Variants in CACNA2D1 observed in about 807,000 individuals in gnomAD.
CACNA2D1 encodes the protein calcium voltage-gated channel auxiliary subunit alpha2delta 1, also known as voltage-dependent calcium channel subunit alpha-2/delta-1.
In CACNA2D1, 53 loss-of-function variants were observed where a neutral mutation model predicts 171.5. The observed-to-expected ratio is 0.31, with a 90% CI of 0.25 to 0.39. CACNA2D1 has a LOEUF of 0.39. Ranked by LOEUF, CACNA2D1 falls within the 10% of genes least tolerant of loss-of-function variation. The pLI is 1.00. For missense variants in CACNA2D1, 903 were observed against 1,299.8 expected (o/e 0.69, Z 4.69); for synonymous variants, 442 against 443.1 (o/e 1.00, Z 0.03).
chr7:82,179,955 T>C (rs989031001), intron 3 of CACNA2D1, among the ~76,000 whole-genome samples: 1 of 151,984 alleles, frequency 6.6e-6, no homozygotes, highest in Non-Finnish European at 1.5e-5. Flanking sequence ...ATTATTTCCA[T>C]AATAAAGTTA....
chr7:81,970,657 G>A lies in CACNA2D1; in HGVS notation c.2204+18C>T. On this transcript the variant is annotated intron_variant, in intron 27 of 38. Coordinates refer to ENST00000356860, the MANE Select transcript of CACNA2D1 (RefSeq NM_000722.4). Reference sequence around the variant, plus strand: ...CTTTTGTAATGTACTTGTTTTTACAGATGTTATTTGAACTTACTCTTTGGG... The same window carrying A: ...CTTTTGTAATGTACTTGTTTTTACAAATGTTATTTGAACTTACTCTTTGGG... The A allele has an allele frequency of 7.1e-7, 1 of 1,401,272 alleles. No individual in the cohort carries two copies. The highest frequency in any genetic ancestry group is 1.0e-6 in the Non-Finnish European group (1 of 986,486). The allele number at this position is 1,401,272 out of a possible 1,614,324, so 86.8% of individuals were successfully genotyped here.
In CACNA2D1 at chr7:82,349,079, G is replaced by A. The variant is rs148390037; in HGVS notation, c.177+489C>T. Among the ~76,000 whole-genome samples, 756 of 152,110 alleles carry A rather than the reference G, an allele frequency of 5.0e-3. 3 individuals carry two copies. Among genetic ancestry groups the A allele is most frequent in the African/African-American group, 0.017 (707 of 41,498 alleles). On this transcript the variant is annotated intron_variant, in intron 2 of 38. Coordinates refer to ENST00000356860, the MANE Select transcript of CACNA2D1 (RefSeq NM_000722.4). ...AGTCTCCTTATCTTGCACCAGAACCGTTATTACTGATCTCAGTGACTATCT... is the reference window on the plus strand; with the variant it reads ...AGTCTCCTTATCTTGCACCAGAACCATTATTACTGATCTCAGTGACTATCT...
rs546259771 is a variant in CACNA2D1 at position 82,066,653 on chromosome 7, G to C, written c.659-129C>G. 2.6e-5 allele frequency: 35 copies of C among 1,342,562 alleles called. No individual in the cohort carries two copies. In the Admixed American group the frequency reaches 2.7e-4, roughly 10 times the overall value. The allele number at this position is 1,342,562 out of a possible 1,614,324, so 83.2% of individuals were successfully genotyped here. Reference sequence around the variant, plus strand: ...CTTACGTACTTCAATGTTCAAATGAGAGATATCATTTTTAAGCCCTTATAT... The same window carrying C: ...CTTACGTACTTCAATGTTCAAATGACAGATATCATTTTTAAGCCCTTATAT... On this transcript the variant is annotated intron_variant, in intron 7 of 38. Transcript: ENST00000356860.
chr7:82,376,439 C>T (rs1428451488), intron 1 of CACNA2D1, among the ~76,000 whole-genome samples: 1 of 152,098 alleles, frequency 6.6e-6, no homozygotes, highest in Non-Finnish European at 1.5e-5. Context: ...GGGAAACAAC[C>T]ATGAGATAAA....
chr7:82,045,592 T>C (rs1443422726), intron 10 of CACNA2D1, among the ~76,000 whole-genome samples: 1 of 152,198 alleles, frequency 6.6e-6, no homozygotes, highest in Non-Finnish European at 1.5e-5. Context: ...GATACATTCA[T>C]TCATGATACA....
At position 82,387,158 on chromosome 7, in the gene CACNA2D1, T is replaced by C. The variant is rs568888620; in HGVS notation, c.96-37509A>G. ...AAATCATTAAATGCCCTCACTATGA[T>C]GGCTGGTAAATTAATACATATTGCT... On this transcript the variant is annotated intron_variant, in intron 1 of 38. Transcript: ENST00000356860. Among the ~76,000 whole-genome samples the C allele has an allele frequency of 2.0e-5, 3 of 152,306 alleles. No homozygotes were observed. In the South Asian group the frequency reaches 6.2e-4, roughly 32 times the overall value.
Position 82,443,560 on chromosome 7 carries a change from G to A in CACNA2D1, c.-101C>T. Reference sequence around the variant, plus strand: ...AAGAGCAGCACACGCCGCCGGGACCGCGGGCGTCTGGAGGGCTGGCTGCGC... The same window carrying A: ...AAGAGCAGCACACGCCGCCGGGACCACGGGCGTCTGGAGGGCTGGCTGCGC... On this transcript the variant is annotated 5_prime_UTR_variant, in exon 1 of 39. Transcript: ENST00000356860. 6.6e-7 allele frequency: 1 copy of A among 1,514,696 alleles called. No homozygotes were observed. Among genetic ancestry groups the A allele is most frequent in the Non-Finnish European group, 8.9e-7 (1 of 1,129,870 alleles). 93.8% of individuals were successfully genotyped at this position (1,514,696 alleles called of 1,614,324 possible).
At chr7:82,164,138 A>T (rs1795215642) in intron 4 of CACNA2D1, among the ~76,000 whole-genome samples, 1 of 151,986 alleles carries the variant, frequency 6.6e-6, no homozygotes, top group Admixed American at 6.6e-5. Flanking sequence ...AGTGCAGTTC[A>T]AATTTTCATT....
Position 82,345,121 on chromosome 7 carries a change from A to G in CACNA2D1, c.177+4447T>C, listed in dbSNP as rs3801692. ...AAACTCTCCGCCACCTAGAAAAAGA[A>G]TATTCTATTTACATGAGATGACATG... On this transcript the variant is annotated intron_variant, in intron 2 of 38. Transcript: ENST00000356860. Among the ~76,000 whole-genome samples, 776 of 152,264 alleles carry G rather than the reference A, an allele frequency of 5.1e-3. 21 individuals are homozygous for G. The East Asian group carries it at 0.081, about 16-fold the overall frequency.
chr7:82,433,730 G>C (rs755820514), intron 1 of CACNA2D1, among the ~76,000 whole-genome samples: 24 of 152,114 alleles, frequency 1.6e-4, no homozygotes, highest in Admixed American at 2.6e-4. Flanking sequence ...TGTCTGTACA[G>C]CCTTCCACAC....
intron 24 of CACNA2D1, 35 bp downstream of exon 24, chr7:81,982,532 G>C: frequency 4.0e-6 from 5 of 1,249,820 alleles, no homozygotes; most frequent in Non-Finnish European, 5.9e-6. Context: ...CCTAGCTACT[G>C]ATAGAAGATG....
intron 3 of CACNA2D1, among the ~76,000 whole-genome samples, chr7:82,306,416 C>T (rs1813742464): frequency 6.6e-6 from 1 of 152,160 alleles, no homozygotes; most frequent in African/African-American, 2.4e-5. Flanking sequence ...GAAATTGTGT[C>T]TTAAGAAGAA....
intron 6 of CACNA2D1, among the ~76,000 whole-genome samples, chr7:82,093,804 G>T (rs1431332810): frequency 6.6e-6 from 1 of 151,770 alleles, no homozygotes; most frequent in East Asian, 1.9e-4. Context: ...ACATACACAG[G>T]CACACACACA....
In CACNA2D1 at chr7:81,962,126, A is replaced by G. The variant is rs571446475; in HGVS notation, c.2837-103T>C. The G allele has an allele frequency of 2.6e-5, 29 of 1,126,226 alleles. No homozygotes were observed. The African/African-American group carries it at 3.4e-4, about 13-fold the overall frequency. The allele number at this position is 1,126,226 out of a possible 1,614,324, so 69.8% of individuals were successfully genotyped here. Reference sequence around the variant, plus strand: ...ACTTCTCACAGAGCAAAATAAACGTATAAGACCAGGACCCCTCGACTGGCT... The same window carrying G: ...ACTTCTCACAGAGCAAAATAAACGTGTAAGACCAGGACCCCTCGACTGGCT... On this transcript the variant is annotated intron_variant, in intron 35 of 38. Coordinates refer to ENST00000356860, the MANE Select transcript of CACNA2D1 (RefSeq NM_000722.4).
intron 11 of CACNA2D1, among the ~76,000 whole-genome samples, chr7:82,036,546 G>A (rs1803307223): frequency 6.6e-6 from 1 of 152,088 alleles, no homozygotes; most frequent in African/African-American, 2.4e-5. Context: ...GAGGAGCTGG[G>A]CCCATCCTCT....
chr7:82,065,919 T>C (rs995619458), intron 8 of CACNA2D1, among the ~76,000 whole-genome samples: 1 of 152,186 alleles, frequency 6.6e-6, no homozygotes. Flanking sequence ...ATAGTTGTTT[T>C]CCAGTAAGTC....
chr7:81,966,057 A>G (rs1404147353), intron 31 of CACNA2D1, among the ~76,000 whole-genome samples: 1 of 151,578 alleles, frequency 6.6e-6, no homozygotes, highest in Non-Finnish European at 1.5e-5. Flanking sequence ...TTAAAAAAAT[A>G]TCATTTTAGT....
intron 6 of CACNA2D1, among the ~76,000 whole-genome samples, chr7:82,099,130 T>C (rs1234667516): frequency 6.6e-6 from 1 of 152,194 alleles, no homozygotes; most frequent in Non-Finnish European, 1.5e-5. Context: ...TTGCATTCTG[T>C]ATCAAACTGA....
chr7:82,114,825 C>T (rs1788856725), intron 6 of CACNA2D1, among the ~76,000 whole-genome samples: 1 of 151,672 alleles, frequency 6.6e-6, no homozygotes, highest in Non-Finnish European at 1.5e-5. Flanking sequence ...AGTGTTCTGG[C>T]CACACCACAT....
Sources: gnomAD v4.1 joint callset for allele counts (sites outside exome capture counted in the v4.1 genomes callset) on GRCh38, gnomAD v4.1.1 for gene constraint, MANE v1.5 for transcripts, NCBI Gene and HGNC (gene_info 2026-07-23, HGNC 2026-07-21) for gene names.